Variants in MYO10 observed in about 807,000 individuals in gnomAD.
MYO10 encodes the protein unconventional myosin-X.
Under a neutral mutation model 257.3 loss-of-function variants are expected in MYO10, and 133 were observed. The ratio of observed to expected loss-of-function variants is 0.52; its 90% confidence interval spans 0.45 to 0.60. The LOEUF (loss-of-function observed/expected upper bound fraction) is 0.60, where lower values mean the gene tolerates loss of function less well. MYO10 is among the 20% of genes least tolerant of loss of function. MYO10 has a pLI of 0.00. For missense variants in MYO10, 2,399 were observed against 2,635.7 expected, an observed-to-expected ratio of 0.91 and a Z score of 1.97; for synonymous variants, 1,104 against 1,028.6, an observed-to-expected ratio of 1.07 and a Z score of -1.40.
chr5:16,730,482 A>C (rs540599608), intron 19 of MYO10, among the ~76,000 whole-genome samples: 1 of 152,268 alleles, frequency 6.6e-6, no homozygotes, highest in East Asian at 1.9e-4. Flanking sequence ...GTGCATGGAG[A>C]TATTGCAAGG....
intron 3 of MYO10, among the ~76,000 whole-genome samples, chr5:16,805,350 T>C (rs1392973441): frequency 1.3e-5 from 2 of 148,966 alleles, no homozygotes; most frequent in East Asian, 4.0e-4. Flanking sequence ...TAATCCCAGC[T>C]ACTCGGGAGG....
Position 16,676,089 on chromosome 5 carries a change from G to A in MYO10, c.4608C>T (p.Thr1536=), listed in dbSNP as rs1267824041. 2 of 1,613,276 alleles carry A rather than the reference G, an allele frequency of 1.2e-6. No individual in the cohort carries two copies. The highest frequency in any genetic ancestry group is 1.3e-5 in the African/African-American group (1 of 74,882). ...GGAGCGGGGAGTGCAAGGGGTGATG[G>A]GTGTATCGAAGGATCGGGTTCCGCT... ...IYKRNPILRY[T]HHPLHSPLLP... is the part of the protein sequence containing the mutation. Residue 1536 remains threonine, a synonymous_variant, in exon 34 of 41, where the codon ACC becomes ACT. Coordinates refer to ENST00000513610, the MANE Select transcript of MYO10 (RefSeq NM_012334.3).
At chr5:16,876,754 C>T (rs2126761474) in intron 2 of MYO10, among the ~76,000 whole-genome samples, 1 of 152,252 alleles carries the variant, frequency 6.6e-6, no homozygotes, top group Non-Finnish European at 1.5e-5. Context: ...GGGGTTTCAC[C>T]ATGTTGGCCA....
chr5:16,863,105 T>A (rs1019179819), intron 2 of MYO10, among the ~76,000 whole-genome samples: 9 of 152,184 alleles, frequency 5.9e-5, no homozygotes, highest in Admixed American at 5.9e-4. Flanking sequence ...TCTAGGAAGA[T>A]CCACTAAGAA....
intron 19 of MYO10, among the ~76,000 whole-genome samples, chr5:16,737,707 T>C (rs748945127): frequency 6.6e-6 from 1 of 152,156 alleles, no homozygotes; most frequent in African/African-American, 2.4e-5. Context: ...TTTTGCCCCC[T>C]GGGGGGCACC....
At chr5:16,880,699 C>G (rs1227244317) in intron 1 of MYO10, among the ~76,000 whole-genome samples, 1 of 152,182 alleles carries the variant, frequency 6.6e-6, no homozygotes, top group African/African-American at 2.4e-5. Context: ...TCCCTCACCC[C>G]CTACTCTTGC....
intron 37 of MYO10, 71 bp from the exon 38 acceptor site, chr5:16,671,613 C>A: frequency 5.1e-6 from 8 of 1,572,234 alleles, no homozygotes; most frequent in Non-Finnish European, 6.1e-6. Flanking sequence ...AGGGACCTGA[C>A]TTTACATGGT....
Position 16,689,604 on chromosome 5 carries a change from G to C in MYO10, c.3896+220C>G, listed in dbSNP as rs147574228. Among the ~76,000 whole-genome samples the C allele has an allele frequency of 7.3e-3, 1,110 of 151,838 alleles. 4 individuals are homozygous for C. The highest frequency in any genetic ancestry group is 0.01 in the South Asian group (48 of 4,798). ...AATGGATCTGTCTAGTGGCACTGGA[G>C]GCTGGAAATCCTGAACTCTGTGCTG... On this transcript the variant is annotated intron_variant, in intron 28 of 40. Transcript: ENST00000513610.
chr5:16,780,960 A>G (rs1209673675), intron 6 of MYO10, among the ~76,000 whole-genome samples: 1 of 152,248 alleles, frequency 6.6e-6, no homozygotes, highest in Admixed American at 6.5e-5. Context: ...CAGGTACCAA[A>G]CTAACTGACA....
At chr5:16,825,219 T>C (rs1742965661) in intron 2 of MYO10, among the ~76,000 whole-genome samples, 1 of 152,202 alleles carries the variant, frequency 6.6e-6, no homozygotes, top group Non-Finnish European at 1.5e-5. Flanking sequence ...TCAGCTCAAA[T>C]GCTATCCTCT....
intron 18 of MYO10, 88 bp from the exon 19 acceptor site, chr5:16,754,996 T>TA: frequency 1.3e-6 from 1 of 774,032 alleles, no homozygotes; most frequent in Admixed American, 2.9e-5. Flanking sequence ...AACAATAATT[T>TA]AAAAAACACA....
At chr5:16,912,844 ACAC>A (rs1745703145) in intron 1 of MYO10, among the ~76,000 whole-genome samples, 1 of 150,410 alleles carries the variant, frequency 6.6e-6, no homozygotes, top group Non-Finnish European at 1.5e-5. Flanking sequence ...ACACACACAC[ACAC>A]ACCATGGTAC....
chr5:16,766,702 T>G (rs1560973771), intron 10 of MYO10, among the ~76,000 whole-genome samples: 1 of 151,886 alleles, frequency 6.6e-6, no homozygotes, highest in African/African-American at 2.4e-5. Context: ...CTTGACCTCA[T>G]GATCTACCCG....
rs558451617 is a variant in MYO10 at position 16,668,584 on chromosome 5, C to T, written c.5884-116G>A. On this transcript the variant is annotated intron_variant, in intron 39 of 40. Coordinates refer to ENST00000513610, the MANE Select transcript of MYO10 (RefSeq NM_012334.3). The stretch of plus-strand genomic sequence containing the variant: ...CTCTGTGCAGAAGATTAAATATATT[C>T]GATGTGCATGCATGCATGGAGGGGC... The T allele has an allele frequency of 6.8e-4, 519 of 765,552 alleles. No homozygotes were observed. In the African/African-American group the frequency reaches 8.0e-3, roughly 12 times the overall value. The allele number at this position is 765,552 out of a possible 1,614,324, so 47.4% of individuals were successfully genotyped here. A position where few individuals can be genotyped will look rare whatever the true frequency, so the allele number is the denominator to read the frequency against.
chr5:16,701,990 G>GA lies in MYO10; in HGVS notation c.2557-153dup, dbSNP rs1738103528. Among the ~76,000 whole-genome samples, 1 of 152,200 alleles carries GA rather than the reference G, an allele frequency of 6.6e-6. No homozygotes were observed. Among genetic ancestry groups the GA allele is most frequent in the African/African-American group, 2.4e-5 (1 of 41,448 alleles). On this transcript the variant is annotated intron_variant, in intron 24 of 40. Transcript: ENST00000513610. This position sits in a 1 kb window ranked among gnomAD's most constrained non-coding sequence, Gnocchi z 8.1. ...TTGAAGTCCTAACCCCAATACTGCA[G>GA]AATGTGACTGCATTTGGAGATACAG...
intron 2 of MYO10, among the ~76,000 whole-genome samples, chr5:16,869,915 AGGGAAG>A (rs559562982): frequency 2.5e-5 from 3 of 118,676 alleles, no homozygotes; most frequent in East Asian, 2.9e-4. Context: ...GGAGAAAGGA[AGGGAAG>A]GGGAAGGGGG....
At chr5:16,906,666 G>C (rs894338922) in intron 1 of MYO10, among the ~76,000 whole-genome samples, 1 of 152,060 alleles carries the variant, frequency 6.6e-6, no homozygotes, top group Non-Finnish European at 1.5e-5. Context: ...TGCCTATCTC[G>C]AAGGTCACTG....
Position 16,754,915 on chromosome 5 carries a change from GA to G in MYO10, c.1849-8del. On this transcript the variant is annotated splice_polypyrimidine_tract_variant and splice_region_variant and intron_variant, in intron 18 of 40. Coordinates refer to ENST00000513610, the MANE Select transcript of MYO10 (RefSeq NM_012334.3). ...TTAAGGAATGCAGTGAGTCCTATTAGAAAAAGTATATGTTGATTTAGTCTCT... is the reference window on the plus strand; with the variant it reads ...TTAAGGAATGCAGTGAGTCCTATTAGAAAAGTATATGTTGATTTAGTCTCT... The G allele has an allele frequency of 6.4e-7, 1 of 1,559,750 alleles. No homozygotes were observed. The highest frequency in any genetic ancestry group is 1.2e-5 in the South Asian group (1 of 84,584).
At chr5:16,815,505 T>C (rs1262227591) in intron 3 of MYO10, 1 of 692,354 alleles carries the variant, frequency 1.4e-6, no homozygotes, top group East Asian at 2.7e-5. Context: ...AAAATCCAGG[T>C]TCACATTTTA....
Sources: allele counts gnomAD v4.1 joint callset (sites outside exome capture counted in the v4.1 genomes callset), GRCh38; gene constraint gnomAD v4.1.1; non-coding constraint Gnocchi (gnomAD v3.1); transcripts MANE v1.5; gene names NCBI Gene and HGNC (gene_info 2026-07-23, HGNC 2026-07-21).